ARHGAP24: variants seen among roughly 807,000 people sequenced by gnomAD.
ARHGAP24 encodes rho GTPase-activating protein 24.
Under a neutral mutation model 76.4 loss-of-function variants are expected in ARHGAP24, and 50 were observed. That is an observed-to-expected ratio of 0.65 (90% CI 0.52 to 0.83). The LOEUF is 0.83. ARHGAP24 is among the 40% of genes least tolerant of loss of function. The pLI is 0.00. For synonymous variants in ARHGAP24, 345 were observed against 323.3 expected, an observed-to-expected ratio of 1.07 and a Z score of -0.72; for missense variants, 930 against 914.2, an observed-to-expected ratio of 1.02 and a Z score of -0.22.
intron 2 of ARHGAP24, among the ~76,000 whole-genome samples, chr4:85,598,666 A>G (rs1003933210): frequency 6.6e-6 from 1 of 151,642 alleles, no homozygotes; most frequent in African/African-American, 2.4e-5. Context: ...TAATAATCCT[A>G]TTTGATTATA....
intron 3 of ARHGAP24, among the ~76,000 whole-genome samples, chr4:85,788,912 A>G (rs1439681130): frequency 1.3e-5 from 2 of 152,182 alleles, no homozygotes; most frequent in African/African-American, 4.8e-5. Context: ...TGTTTTCTCG[A>G]GGATGTGGCA....
intron 7 of ARHGAP24, among the ~76,000 whole-genome samples, chr4:85,975,289 G>C (rs1739256950): frequency 6.6e-6 from 1 of 152,180 alleles, no homozygotes; most frequent in South Asian, 2.1e-4. Flanking sequence ...ACATCTGCAT[G>C]GGAGCCAAGA....
intron 3 of ARHGAP24, among the ~76,000 whole-genome samples, chr4:85,919,612 G>T (rs1681571485): frequency 6.6e-6 from 1 of 152,134 alleles, no homozygotes; most frequent in South Asian, 2.1e-4. Context: ...GTCTAAATGA[G>T]ATTCAGGGTC....
At chr4:85,944,722 A>C (rs1394340645) in intron 5 of ARHGAP24, among the ~76,000 whole-genome samples, 2 of 152,252 alleles carry the variant, frequency 1.3e-5, no homozygotes, top group Non-Finnish European at 2.9e-5. Flanking sequence ...CGTGGGTAAT[A>C]ACAAATCACA....
At chr4:85,793,217 T>C (rs1441315067) in intron 3 of ARHGAP24, among the ~76,000 whole-genome samples, 1 of 152,178 alleles carries the variant, frequency 6.6e-6, no homozygotes, top group East Asian at 1.9e-4. Flanking sequence ...AATGCACATA[T>C]TTGAGTCTGA....
intron 5 of ARHGAP24, among the ~76,000 whole-genome samples, chr4:85,949,008 A>G (rs1737448144): frequency 6.6e-6 from 1 of 152,214 alleles, no homozygotes. Flanking sequence ...GCCAATTAAT[A>G]CATTCAGCAT....
chr4:85,914,360 A>T (rs958818554), intron 3 of ARHGAP24, among the ~76,000 whole-genome samples: 2 of 152,206 alleles, frequency 1.3e-5, no homozygotes, highest in Non-Finnish European at 2.9e-5. Context: ...CCCAGCAGGC[A>T]TCTTAAAAGC....
intron 3 of ARHGAP24, among the ~76,000 whole-genome samples, chr4:85,735,425 A>G (rs1448613565): frequency 6.6e-6 from 1 of 152,116 alleles, no homozygotes; most frequent in South Asian, 2.1e-4. Flanking sequence ...TTTACTAATG[A>G]CATTGATGAC....
intron 2 of ARHGAP24, among the ~76,000 whole-genome samples, chr4:85,622,020 T>G (rs187251320): frequency 6.6e-6 from 1 of 152,138 alleles, no homozygotes. Flanking sequence ...CTGTATCCCA[T>G]AAATTTTGGT....
intron 5 of ARHGAP24, among the ~76,000 whole-genome samples, chr4:85,966,460 A>G (rs1320429274): frequency 1.3e-5 from 2 of 152,206 alleles, no homozygotes; most frequent in Non-Finnish European, 2.9e-5. Flanking sequence ...GGTGACATTT[A>G]TGTAACTGTG....
chr4:85,695,718 A>G (rs1216431544), intron 2 of ARHGAP24, among the ~76,000 whole-genome samples: 1 of 152,200 alleles, frequency 6.6e-6, no homozygotes, highest in East Asian at 1.9e-4. Context: ...AATGTTTTCA[A>G]ATTAACTAAT....
intron 5 of ARHGAP24, chr4:85,942,498 GTTC>G (rs1026127967): frequency 5.6e-5 from 29 of 514,914 alleles, no homozygotes; most frequent in African/African-American, 2.7e-4. Flanking sequence ...CATTTTTTTT[GTTC>G]TTCTTCTTTG....
chr4:85,776,800 T>C (rs1356631588), intron 3 of ARHGAP24, among the ~76,000 whole-genome samples: 1 of 152,196 alleles, frequency 6.6e-6, no homozygotes, highest in African/African-American at 2.4e-5. Flanking sequence ...TGTAAAACTC[T>C]ATGTCTCCTC....
chr4:85,721,465 A>T (rs1034953814), intron 2 of ARHGAP24, among the ~76,000 whole-genome samples: 3 of 152,102 alleles, frequency 2.0e-5, no homozygotes, highest in African/African-American at 4.8e-5. Flanking sequence ...GAGAAGAGAT[A>T]ATCAAGAGAA....
chr4:85,889,763 G>A (rs1264061390), intron 3 of ARHGAP24, among the ~76,000 whole-genome samples: 1 of 152,046 alleles, frequency 6.6e-6, no homozygotes, highest in East Asian at 1.9e-4. Flanking sequence ...TATAAATAAT[G>A]CCCTGCTTCC....
At chr4:85,948,680 A>G (rs1454414286) in intron 5 of ARHGAP24, among the ~76,000 whole-genome samples, 1 of 152,238 alleles carries the variant, frequency 6.6e-6, no homozygotes, top group Non-Finnish European at 1.5e-5. Context: ...GCACCAATGC[A>G]TAAACAGACT....
intron 1 of ARHGAP24, among the ~76,000 whole-genome samples, chr4:85,517,404 A>G (rs996993030): frequency 6.6e-6 from 1 of 152,074 alleles, no homozygotes; most frequent in South Asian, 2.1e-4. Context: ...GATTTGCTAA[A>G]TTGTTTTAAA....
intron 2 of ARHGAP24, among the ~76,000 whole-genome samples, chr4:85,620,810 C>T (rs1374542664): frequency 2.0e-5 from 3 of 151,804 alleles, no homozygotes; most frequent in East Asian, 3.9e-4. Flanking sequence ...TCAAGGGGTA[C>T]ATATGCAAGT....
chr4:85,820,791 C>A (rs1190797983), intron 3 of ARHGAP24, among the ~76,000 whole-genome samples: 1 of 151,928 alleles, frequency 6.6e-6, no homozygotes, highest in African/African-American at 2.4e-5. Flanking sequence ...TTCATTTTTC[C>A]AGAAATTTGT....
Sources: allele counts gnomAD v4.1 joint callset (sites outside exome capture counted in the v4.1 genomes callset), GRCh38; gene constraint gnomAD v4.1.1; transcripts MANE v1.5; gene names NCBI Gene and HGNC (gene_info 2026-07-23, HGNC 2026-07-21).